Variants in ADGRG5 observed in about 807,000 individuals in gnomAD.
ADGRG5 encodes the protein adhesion G protein-coupled receptor G5.
ADGRG5 carries 37 observed loss-of-function variants against 53.2 expected under a neutral mutation model. The ratio of observed to expected loss-of-function variants is 0.70; its 90% CI spans 0.53 to 0.91. ADGRG5 has a LOEUF of 0.91. Ranked by LOEUF, ADGRG5 falls within the 40% of genes least tolerant of loss-of-function variation. The pLI is 0.00. For missense variants in ADGRG5, 614 were observed against 675.8 expected (o/e 0.91, Z 1.01); for synonymous variants, 277 against 290.4 (o/e 0.95, Z 0.47).
chr16:57,547,505 C>T (rs1037416538), intron 1 of ADGRG5, among the ~76,000 whole-genome samples: 4 of 152,046 alleles, frequency 2.6e-5, no homozygotes, highest in Admixed American at 6.5e-5. Context: ...AGTGCAGTGG[C>T]GCGATCTCGG....
At position 57,565,090 on chromosome 16, in the gene ADGRG5, T is replaced by C. The variant is rs1365079964; in HGVS notation, c.486T>C (p.His162=). The C allele has an allele frequency of 1.2e-6, 2 of 1,613,894 alleles. No homozygotes were observed. The highest frequency in any genetic ancestry group is 1.7e-5 in the Admixed American group (1 of 59,984). ...ACGTCCTGGGGGCCCAGCTGAGTCA[T>C]GGGCACGTGAACAACCTCAGGGATC... ...NNYVLGAQLS[H]GHVNNLRDPV... The change falls in exon 6 of 12, where the codon CAT becomes CAC. Residue 162 remains histidine, a synonymous_variant. Coordinates refer to ENST00000349457, the MANE Select transcript of ADGRG5 (RefSeq NM_001304376.3).
the ADGRG5 span, among the ~76,000 whole-genome samples, chr16:57,532,111 G>A: frequency 6.6e-6 from 1 of 152,118 alleles, no homozygotes; most frequent in Non-Finnish European, 1.5e-5. Context: ...GTAGAAGGGG[G>A]GATGTGTGAG....
chr16:57,559,403 T>C (rs1285980845), intron 1 of ADGRG5, among the ~76,000 whole-genome samples: 2 of 152,184 alleles, frequency 1.3e-5, no homozygotes, highest in Non-Finnish European at 1.5e-5. Flanking sequence ...TGGCATGTCC[T>C]GCATGGCTAT....
chr16:57,556,788 A>G (rs1035773512), intron 1 of ADGRG5, among the ~76,000 whole-genome samples: 5 of 151,998 alleles, frequency 3.3e-5, no homozygotes, highest in African/African-American at 1.2e-4. Context: ...CAAATTTCCA[A>G]CTGGCATAAT....
chr16:57,543,351 C>T (rs1408666392), intron 1 of ADGRG5, among the ~76,000 whole-genome samples: 2 of 134,652 alleles, frequency 1.5e-5, no homozygotes, highest in Non-Finnish European at 3.0e-5. Flanking sequence ...GGTGCGATCT[C>T]GGCTCACTGC....
chr16:57,569,381 TCAACTC>T, intron 9 of ADGRG5, among the ~76,000 whole-genome samples: 1 of 136,648 alleles, frequency 7.3e-6, no homozygotes, highest in African/African-American at 2.8e-5. Context: ...TCCACCTCCA[TCAACTC>T]CATCACCACC....
chr16:57,564,793 G>T (rs942312600), intron 5 of ADGRG5, among the ~76,000 whole-genome samples: 10 of 152,162 alleles, frequency 6.6e-5, no homozygotes, highest in Admixed American at 6.5e-4. Context: ...AGGCTGGAAT[G>T]CATTAAACGA....
rs1567619068 is a variant in ADGRG5, at chr16:57,562,431, AG to A, written c.116del (p.Gly39AlafsTer19). The A allele has an allele frequency of 5.6e-6, 9 of 1,604,222 alleles. No individual in the cohort carries two copies. In the Admixed American group the frequency reaches 1.5e-4, roughly 27 times the overall value. On this transcript the variant is annotated frameshift_variant, in exon 3 of 12. Transcript: ENST00000349457. LOFTEE classifies it high-confidence loss of function. The stretch of plus-strand genomic sequence containing the variant: ...CTACATGGAGAATATGCAGGTGTCC[AG>A]GGGCCGGAGCTCAGTTTTTTCCTCT... Reference protein sequence around the residue: ...LSYMENMQVSRGRSSVFSSRQ... With the variant: ...LSYMENMQVSXGRSSVFSSRQ...
At chr16:57,540,980 G>A (rs374589215), upstream of ADGRG5, among the ~76,000 whole-genome samples, 1 of 152,034 alleles carries the variant, frequency 6.6e-6, no homozygotes, top group Non-Finnish European at 1.5e-5. Context: ...TAGTAGAGAC[G>A]GGGTTTTGCC....
At chr16:57,562,220 G>T (rs1157044703) in intron 2 of ADGRG5, 63 bp downstream of exon 2, 2 of 1,517,114 alleles carry the variant, frequency 1.3e-6, no homozygotes, top group African/African-American at 1.4e-5. Flanking sequence ...GATGCAAAAG[G>T]GGGAGGCGTC....
intron 10 of ADGRG5, among the ~76,000 whole-genome samples, chr16:57,572,319 C>CA (rs747682094): frequency 6.6e-6 from 1 of 151,898 alleles, no homozygotes; most frequent in African/African-American, 2.4e-5. Context: ...ATTAAAAATA[C>CA]AAAAAATTAG....
intron 1 of ADGRG5, among the ~76,000 whole-genome samples, chr16:57,561,411 C>G (rs537384474): frequency 1.3e-5 from 2 of 152,172 alleles, no homozygotes; most frequent in Non-Finnish European, 2.9e-5. Context: ...TGTCTTCTTT[C>G]ATGATTTACT....
intron 1 of ADGRG5, among the ~76,000 whole-genome samples, chr16:57,548,469 A>G (rs1422037366): frequency 2.0e-5 from 3 of 152,136 alleles, no homozygotes; most frequent in Non-Finnish European, 4.4e-5. Context: ...TAACTTTATA[A>G]GAAACTGCCA....
chr16:57,529,159 G>C, the ADGRG5 span: 1 of 1,184,654 alleles, frequency 8.4e-7, no homozygotes, highest in Admixed American at 4.5e-5. The surrounding 1 kb of genome is among the most constrained non-coding windows in gnomAD (Gnocchi z 4.1). Context: ...GCCAGCCGGG[G>C]GCTGGGCCCG....
Position 57,568,132 on chromosome 16 carries a change from C to T in ADGRG5, c.1090+8C>T, listed in dbSNP as rs1430006358. 3 of 1,613,278 alleles carry T rather than the reference C, an allele frequency of 1.9e-6. No homozygotes were observed. Among genetic ancestry groups the T allele is most frequent in the East Asian group, 2.2e-5 (1 of 44,854 alleles). ...TTGGTGTGCTAGGCTGGGGTAAGCA[C>T]ATCATCTCTCCTCGCCTCCTCAGAC... On this transcript the variant is annotated splice_region_variant and intron_variant, in intron 9 of 11. Transcript: ENST00000349457.
chr16:57,559,132 G>A (rs1178038261), intron 1 of ADGRG5, among the ~76,000 whole-genome samples: 1 of 151,970 alleles, frequency 6.6e-6, no homozygotes, highest in Non-Finnish European at 1.5e-5. Flanking sequence ...TTACAGGCAT[G>A]AGCCAAGGCG....
intron 1 of ADGRG5, among the ~76,000 whole-genome samples, chr16:57,556,293 G>C (rs1303056877): frequency 6.6e-6 from 1 of 152,054 alleles, no homozygotes; most frequent in Admixed American, 6.5e-5. Context: ...GGAGCATTTG[G>C]ACTATGCTTA....
At chr16:57,560,372 G>A (rs958310064) in intron 1 of ADGRG5, among the ~76,000 whole-genome samples, 7 of 152,246 alleles carry the variant, frequency 4.6e-5, no homozygotes, top group African/African-American at 1.7e-4. Context: ...GACCATTCAA[G>A]AGAGGAGCAC....
the ADGRG5 span, among the ~76,000 whole-genome samples, chr16:57,530,678 C>T: frequency 6.6e-6 from 1 of 152,142 alleles, no homozygotes; most frequent in East Asian, 1.9e-4. Context: ...GGTTCTCCTT[C>T]CTTGAGCCGA....
Sources: allele counts gnomAD v4.1 joint callset (sites outside exome capture counted in the v4.1 genomes callset), GRCh38; gene constraint gnomAD v4.1.1; non-coding constraint Gnocchi (gnomAD v3.1); transcripts MANE v1.5; gene names NCBI Gene and HGNC (gene_info 2026-07-23, HGNC 2026-07-21).